Variants in ARHGEF7 observed in about 807,000 individuals in gnomAD.
ARHGEF7 encodes PAK-interacting exchange factor beta.
In ARHGEF7, 33 loss-of-function variants were observed where a neutral mutation model predicts 109.8. That is an observed-to-expected ratio of 0.30 (90% CI 0.23 to 0.40). The LOEUF (loss-of-function observed/expected upper bound fraction) is 0.40, where lower values mean the gene tolerates loss of function less well. ARHGEF7 is among the 10% of genes least tolerant of loss of function. The probability of loss-of-function intolerance (pLI) is 1.00; values close to 1 mark genes in which losing one functional copy is unlikely to be tolerated. For missense variants in ARHGEF7, 938 were observed against 1,098.5 expected, an observed-to-expected ratio of 0.85 and a Z score of 2.07; for synonymous variants, 458 against 424.6, an observed-to-expected ratio of 1.08 and a Z score of -0.97.
intron 8 of ARHGEF7, among the ~76,000 whole-genome samples, chr13:111,256,552 T>C (rs772867729): frequency 2.8e-4 from 42 of 152,208 alleles, no homozygotes; most frequent in Non-Finnish European, 4.4e-4. Context: ...AGCTTGTCTT[T>C]TCGTGTTTGT....
intron 5 of ARHGEF7, among the ~76,000 whole-genome samples, chr13:111,223,103 T>G (rs964755819): frequency 6.6e-6 from 1 of 152,236 alleles, no homozygotes; most frequent in Admixed American, 6.5e-5. Flanking sequence ...GGTTGGTATA[T>G]ATACAGAGAT....
chr13:111,203,100 T>G, intron 2 of ARHGEF7: 1 of 1,283,604 alleles, frequency 7.8e-7, no homozygotes, highest in Non-Finnish European at 1.0e-6. Context: ...TGTGACTTGC[T>G]GCCTTGCCAC....
At chr13:111,179,272 C>T (rs1191705385) in intron 2 of ARHGEF7, among the ~76,000 whole-genome samples, 3 of 152,042 alleles carry the variant, frequency 2.0e-5, no homozygotes, top group Non-Finnish European at 4.4e-5. Flanking sequence ...TTAGTAGAGA[C>T]AGGGTTTCGC....
chr13:111,214,085 C>T (rs1409035460), intron 4 of ARHGEF7, among the ~76,000 whole-genome samples: 2 of 152,198 alleles, frequency 1.3e-5, no homozygotes, highest in African/African-American at 4.8e-5. Context: ...AGCTGCCTGC[C>T]CCCTGTACCC....
intron 5 of ARHGEF7, among the ~76,000 whole-genome samples, chr13:111,226,324 C>T (rs998377923): frequency 1.3e-5 from 2 of 152,240 alleles, no homozygotes; most frequent in Non-Finnish European, 2.9e-5. Context: ...GGAGAAGCTG[C>T]AGCAAGTCAT....
At chr13:111,269,398 T>G (rs2091951211) in intron 9 of ARHGEF7, among the ~76,000 whole-genome samples, 1 of 152,198 alleles carries the variant, frequency 6.6e-6, no homozygotes, top group Non-Finnish European at 1.5e-5. Flanking sequence ...GACTGTTAGT[T>G]TCCTAAAATG....
intron 5 of ARHGEF7, among the ~76,000 whole-genome samples, chr13:111,220,157 T>G (rs1253769324): frequency 6.6e-6 from 1 of 152,196 alleles, no homozygotes; most frequent in East Asian, 1.9e-4. Context: ...TGGGAACCAA[T>G]GAGAGCAGCC....
rs373682138 is a variant in ARHGEF7, at chr13:111,267,656, C to T, written c.1059C>T (p.Val353=). The change falls in exon 9 of 22, where the codon GTC becomes GTT. Residue 353 remains valine (V), a synonymous_variant. Coordinates refer to ENST00000646102, the MANE Select transcript of ARHGEF7 (RefSeq NM_001354046.2). ...CCAATCACCCTTCTGCAGTGAATGT[C>T]CTCACGGAACACAGGTGCGCTTGCT... is the stretch of plus-strand genomic sequence containing the variant. ...YCANHPSAVN[V]LTEHSEELGE... is the part of the protein sequence containing the mutation. 11 of 1,613,894 alleles carry T rather than the reference C, an allele frequency of 6.8e-6. No homozygotes were observed. The highest frequency in any genetic ancestry group is 8.5e-6 in the Non-Finnish European group (10 of 1,179,854).
intron 8 of ARHGEF7, among the ~76,000 whole-genome samples, chr13:111,246,370 C>T (rs548595275): frequency 6.6e-6 from 1 of 152,134 alleles, no homozygotes; most frequent in Non-Finnish European, 1.5e-5. Flanking sequence ...AGGTTTTGAA[C>T]GTGGTGAGGG....
chr13:111,208,506 T>G (rs907555150), intron 3 of ARHGEF7, among the ~76,000 whole-genome samples: 1 of 152,206 alleles, frequency 6.6e-6, no homozygotes, highest in Non-Finnish European at 1.5e-5. Context: ...ACTGGCCTTT[T>G]AATTGGATAG....
chr13:111,193,097 A>T (rs1259090637), intron 2 of ARHGEF7, among the ~76,000 whole-genome samples: 1 of 152,094 alleles, frequency 6.6e-6, no homozygotes, highest in African/African-American at 2.4e-5. Flanking sequence ...TGGCCATTTG[A>T]TGAGTGTTTT....
intron 2 of ARHGEF7, among the ~76,000 whole-genome samples, chr13:111,172,468 T>C (rs1390293098): frequency 3.9e-5 from 6 of 152,218 alleles, no homozygotes; most frequent in African/African-American, 1.4e-4. Flanking sequence ...TGCCGCTCTC[T>C]AAGGCTGCAG....
chr13:111,204,994 AC>A (rs386380740), intron 2 of ARHGEF7, among the ~76,000 whole-genome samples: 2 of 146,400 alleles, frequency 1.4e-5, no homozygotes, highest in East Asian at 2.0e-4. Context: ...CCAGCAGCCC[AC>A]CCCCCCACCC....
chr13:111,240,347 A>G (rs2087553273), intron 6 of ARHGEF7, among the ~76,000 whole-genome samples: 1 of 152,234 alleles, frequency 6.6e-6, no homozygotes, highest in Non-Finnish European at 1.5e-5. Context: ...ACAGCATCAT[A>G]AAAGCATTTA....
chr13:111,158,734 G>A (rs990509010), intron 2 of ARHGEF7, among the ~76,000 whole-genome samples: 1 of 151,950 alleles, frequency 6.6e-6, no homozygotes, highest in African/African-American at 2.4e-5. Context: ...CTTATATTTT[G>A]TTTTTAAATT....
At chr13:111,123,869 C>T (rs1006662400) in intron 1 of ARHGEF7, among the ~76,000 whole-genome samples, 2 of 145,796 alleles carry the variant, frequency 1.4e-5, no homozygotes, top group African/African-American at 5.0e-5. Context: ...TGCGCCCCCC[C>T]CCCCCGGCCC....
intron 4 of ARHGEF7, among the ~76,000 whole-genome samples, chr13:111,212,034 T>C (rs891124557): frequency 3.9e-5 from 6 of 152,186 alleles, no homozygotes; most frequent in Non-Finnish European, 7.3e-5. Flanking sequence ...GCTCCTTCAT[T>C]ACCTGCCTCC....
At chr13:111,201,692 C>G (rs1442497717) in intron 2 of ARHGEF7, among the ~76,000 whole-genome samples, 1 of 152,156 alleles carries the variant, frequency 6.6e-6, no homozygotes, top group African/African-American at 2.4e-5. Flanking sequence ...TCCCCTTTCC[C>G]TGGTGAGGAT....
intron 2 of ARHGEF7, among the ~76,000 whole-genome samples, chr13:111,195,741 G>A (rs548259372): frequency 5.5e-4 from 83 of 152,262 alleles, no homozygotes; most frequent in Admixed American, 8.5e-4. Flanking sequence ...GTGGCTTCTC[G>A]TTGGACAGTC....
Sources: allele counts gnomAD v4.1 joint callset (sites outside exome capture counted in the v4.1 genomes callset), GRCh38; gene constraint gnomAD v4.1.1; transcripts MANE v1.5; gene names NCBI Gene and HGNC (gene_info 2026-07-23, HGNC 2026-07-21).